PCDHA1: variants seen among roughly 807,000 people sequenced by gnomAD.
PCDHA1 encodes protocadherin alpha 1, also known as protocadherin alpha-1.
Under a neutral mutation model 61.3 loss-of-function variants are expected in PCDHA1, and 42 were observed. The ratio of observed to expected loss-of-function variants is 0.69; its 90% confidence interval spans 0.54 to 0.89. The LOEUF is 0.89. PCDHA1 is among the 40% of genes least tolerant of loss of function. The pLI, the probability that PCDHA1 is intolerant of heterozygous loss-of-function variation, is 0.00. For missense variants in PCDHA1, 1,256 were observed against 1,235.3 expected (o/e 1.02, Z -0.25); for synonymous variants, 610 against 553.8 (o/e 1.10, Z -1.43).
At chr5:140,809,211 C>A (rs1554125084) in intron 1 of PCDHA1, 3 of 1,614,048 alleles carry the variant, frequency 1.9e-6, no homozygotes, top group Admixed American at 1.7e-5. Flanking sequence ...AGTGGACAGG[C>A]GCCAAAGGCC....
chr5:140,995,918 G>A (rs1303145667), intron 3 of PCDHA1, among the ~76,000 whole-genome samples: 1 of 152,180 alleles, frequency 6.6e-6, no homozygotes, highest in Non-Finnish European at 1.5e-5. Flanking sequence ...GAGACCATAG[G>A]CTGTTGTAAG....
At chr5:140,961,342 A>AC (rs2095605510) in intron 1 of PCDHA1, among the ~76,000 whole-genome samples, 1 of 152,164 alleles carries the variant, frequency 6.6e-6, no homozygotes, top group South Asian at 2.1e-4. Flanking sequence ...CCAAGAGTGG[A>AC]TCCCTGTAGT....
At chr5:140,825,682 A>G (rs1414447242) in intron 1 of PCDHA1, 3 of 152,198 alleles carry the variant, frequency 2.0e-5, no homozygotes, top group African/African-American at 7.2e-5. Flanking sequence ...TCGGCCTCCC[A>G]AAGTGCTGGG....
intron 1 of PCDHA1, among the ~76,000 whole-genome samples, chr5:140,918,404 T>C (rs2078676215): frequency 6.6e-6 from 1 of 152,196 alleles, no homozygotes; most frequent in Admixed American, 6.5e-5. Context: ...CTGATTTCTC[T>C]GGCCAGGACT....
intron 1 of PCDHA1, chr5:140,884,167 G>A: frequency 4.3e-6 from 7 of 1,613,412 alleles, no homozygotes; most frequent in Non-Finnish European, 5.1e-6. Context: ...AGATCAGCAC[G>A]ACGCGCCCTC....
chr5:140,803,063 T>C lies in PCDHA1; in HGVS notation c.2394+14379T>C, dbSNP rs374457025. On this transcript the variant is annotated intron_variant, in intron 1 of 3. Coordinates refer to ENST00000504120, the MANE Select transcript of PCDHA1 (RefSeq NM_018900.4). ...GGACCGGCGGTGCGCGCATCCCGTT[T>C]CGCGTGGGGCTGTACACGGGAGAGA... 2.0e-5 allele frequency: 32 copies of C among 1,613,978 alleles called. No homozygotes were observed. In the South Asian group the frequency reaches 3.3e-4, roughly 17 times the overall value.
At chr5:140,869,650 C>G in intron 1 of PCDHA1, 1 of 1,613,504 alleles carries the variant, frequency 6.2e-7, no homozygotes, top group Non-Finnish European at 8.5e-7. Context: ...TTTAGATTCA[C>G]CAACAAATGG....
chr5:140,849,573 A>T, intron 1 of PCDHA1: 1 of 1,598,648 alleles, frequency 6.3e-7, no homozygotes. Flanking sequence ...GGTTCCTGTA[A>T]AAGAGGACGC....
chr5:141,000,972 CT>C (rs2097980392), intron 3 of PCDHA1, among the ~76,000 whole-genome samples: 1 of 151,780 alleles, frequency 6.6e-6, no homozygotes, highest in Non-Finnish European at 1.5e-5. Context: ...CTTCATATTC[CT>C]TTTTTATAAA....
chr5:140,969,464 C>A, intron 1 of PCDHA1: 1 of 1,491,558 alleles, frequency 6.7e-7, no homozygotes. Flanking sequence ...ATATAGTATC[C>A]ACAATTTGAT....
intron 1 of PCDHA1, chr5:140,805,152 T>G: frequency 6.4e-7 from 1 of 1,561,178 alleles, no homozygotes; most frequent in Non-Finnish European, 8.6e-7. Flanking sequence ...TTTGGAATTT[T>G]CACTTCACAG....
At position 140,786,424 on chromosome 5, in the gene PCDHA1, T is replaced by C. The variant is rs151077160; in HGVS notation, c.134T>C (p.Val45Ala). 48 of 1,613,460 alleles carry C rather than the reference T, an allele frequency of 3.0e-5. No homozygotes were observed. In the African/African-American group the frequency reaches 6.1e-4, roughly 21 times the overall value. Residue 45 changes from valine (V) to alanine (A), a missense_variant, in exon 1 of 4, where the codon GTT (valine) becomes GCT (alanine). Transcript: ENST00000504120. ...IPEEAKHGTFVGRVAQDLGLE... is the reference protein window; with the variant it reads ...IPEEAKHGTFAGRVAQDLGLE... The stretch of plus-strand genomic sequence containing the variant: ...GAGGAAGCCAAACACGGCACCTTCG[T>C]TGGCCGCGTTGCTCAGGACCTGGGA...
intron 1 of PCDHA1, among the ~76,000 whole-genome samples, chr5:140,941,256 T>TTTCTTTCTTTCTTTCA (rs2092982969): frequency 2.2e-5 from 1 of 45,974 alleles, no homozygotes. Flanking sequence ...TCTTTCTTTC[T>TTTCTTTCTTTCTTTCA]CTTTCTTTCT....
chr5:140,822,505 T>C, intron 1 of PCDHA1: 1 of 1,613,896 alleles, frequency 6.2e-7, no homozygotes, highest in Non-Finnish European at 8.5e-7. Context: ...ATTTGATAAA[T>C]CCATTTATAA....
chr5:140,788,714 A>C, intron 1 of PCDHA1, 30 bp downstream of exon 1: 1 of 1,511,950 alleles, frequency 6.6e-7, no homozygotes, highest in Non-Finnish European at 8.9e-7. Context: ...TTTGGCTTTA[A>C]ATATTTTTCA....
rs1761331439 is a variant in PCDHA1, at chr5:140,786,775, T to C, written c.485T>C (p.Ile162Thr). The C allele has an allele frequency of 6.2e-7, 1 of 1,614,246 alleles. No homozygotes were observed. The highest frequency in any genetic ancestry group is 8.5e-7 in the Non-Finnish European group (1 of 1,180,042). The stretch of plus-strand genomic sequence containing the variant: ...ATAGAAGGAGCTGCTGATGCAGACA[T>C]TGGTGCTAACGCTCTTCTAACGTAC... Reference protein sequence around the residue: ...FPIEGAADADIGANALLTYTL... With the variant: ...FPIEGAADADTGANALLTYTL... The change falls in exon 1 of 4, where the codon ATT becomes ACT. Residue 162 changes from isoleucine to threonine, a missense_variant. Physicochemically the swap from Ile to Thr is moderately conservative, Grantham distance 89. Transcript: ENST00000504120.
chr5:140,917,797 C>T (rs1174581148), intron 1 of PCDHA1, among the ~76,000 whole-genome samples: 2 of 151,940 alleles, frequency 1.3e-5, no homozygotes, highest in African/African-American at 4.8e-5. Flanking sequence ...GTTACTGTAG[C>T]CTTGCAGTAT....
intron 1 of PCDHA1, among the ~76,000 whole-genome samples, chr5:140,971,989 T>C (rs1183313679): frequency 1.3e-5 from 2 of 152,170 alleles, no homozygotes; most frequent in African/African-American, 4.8e-5. Context: ...AGACAGAAGT[T>C]CCAATGTTTA....
chr5:140,877,120 A>G (rs782093528), intron 1 of PCDHA1: 4 of 1,613,684 alleles, frequency 2.5e-6, no homozygotes, highest in East Asian at 4.5e-5. Context: ...CAGCAACGTG[A>G]CGCTGCAGGT....
Sources: gnomAD v4.1 joint callset for allele counts (sites outside exome capture counted in the v4.1 genomes callset) on GRCh38, gnomAD v4.1.1 for gene constraint, MANE v1.5 for transcripts, NCBI Gene and HGNC (gene_info 2026-07-23, HGNC 2026-07-21) for gene names.